SCN3A: variants seen among roughly 807,000 people sequenced by gnomAD.
SCN3A encodes sodium channel protein type 3 subunit alpha.
SCN3A carries 60 observed loss-of-function variants against 187.6 expected under a neutral mutation model. The observed-to-expected ratio is 0.32, with a 90% CI of 0.26 to 0.40. The LOEUF (loss-of-function observed/expected upper bound fraction) is 0.40. SCN3A is among the 10% of genes least tolerant of loss of function. SCN3A has a pLI of 1.00. For missense variants in SCN3A, 1,601 were observed against 2,428.2 expected (o/e 0.66, Z 7.16); for synonymous variants, 788 against 829.2 (o/e 0.95, Z 0.85).
intron 4 of SCN3A, among the ~76,000 whole-genome samples, chr2:165,169,418 C>T (rs1052508484): frequency 1.3e-5 from 2 of 151,646 alleles, no homozygotes; most frequent in African/African-American, 2.4e-5. Context: ...TGTGGCGGAC[C>T]CCAACAGACC....
Position 165,112,873 on chromosome 2 carries a change from T to C in SCN3A, c.3843+12A>G. On this transcript the variant is annotated intron_variant, in intron 21 of 27. Transcript: ENST00000283254. ...TAAAAACAATTTTATAAAAATCACTTAAAATACTTACATCAACGATCAAGA... is the reference window on the plus strand; with the variant it reads ...TAAAAACAATTTTATAAAAATCACTCAAAATACTTACATCAACGATCAAGA... 1.2e-6 allele frequency: 2 copies of C among 1,610,688 alleles called. No homozygotes were observed. Among genetic ancestry groups the C allele is most frequent in the Middle Eastern group, 1.7e-4 (1 of 6,042 alleles).
intron 11 of SCN3A, among the ~76,000 whole-genome samples, chr2:165,149,612 C>G (rs939188337): frequency 2.6e-5 from 4 of 152,196 alleles, no homozygotes; most frequent in Admixed American, 2.6e-4. Flanking sequence ...CAACTCAAAT[C>G]TGTCATTTGT....
chr2:165,157,373 T>G (rs1689123759), intron 9 of SCN3A, among the ~76,000 whole-genome samples: 1 of 152,206 alleles, frequency 6.6e-6, no homozygotes, highest in Admixed American at 6.5e-5. Context: ...TGGTCAGATA[T>G]TTTATAGAAT....
At chr2:165,187,300 C>G (rs1280818695) in intron 1 of SCN3A, among the ~76,000 whole-genome samples, 1 of 152,106 alleles carries the variant, frequency 6.6e-6, no homozygotes. Flanking sequence ...AGGTAAAAAG[C>G]CAGCATGCTA....
At chr2:165,091,483 C>T (rs1274308335) in intron 27 of SCN3A, 138 bp from the exon 28 acceptor site, 3 of 1,068,974 alleles carry the variant, frequency 2.8e-6, no homozygotes, top group African/African-American at 3.2e-5. Context: ...CACTCCCTGA[C>T]ATTAGCAATT....
At chr2:165,093,165 TAAC>T (rs1455815165) in intron 26 of SCN3A, 2 of 152,364 alleles carry the variant, frequency 1.3e-5, no homozygotes, top group East Asian at 1.9e-4. Context: ...TGACTACTAA[TAAC>T]AAAGATTTAC....
Position 165,155,897 on chromosome 2 carries a change from A to G in SCN3A, c.1038T>C (p.Cys346=). The change falls in exon 10 of 28, where the codon TGT becomes TGC. Residue 346 remains cysteine (C), a synonymous_variant. Transcript: ENST00000283254. ...LCGNGSDAGQ[C]PEGYICVKAG... ...CCTTCACACAGATGTATCCTTCTGG[A>G]CACTGGCTATAAGAGAGAGAAATGG... 1 of 1,614,132 alleles carries G rather than the reference A, an allele frequency of 6.2e-7. No individual in the cohort carries two copies. Among genetic ancestry groups the G allele is most frequent in the Non-Finnish European group, 8.5e-7 (1 of 1,180,002 alleles).
chr2:165,139,773 A>AGATAAACAAAGAT (rs1559221869), intron 13 of SCN3A, 165 bp from the exon 14 acceptor site: 4 of 783,760 alleles, frequency 5.1e-6, no homozygotes, highest in Non-Finnish European at 8.0e-6. Flanking sequence ...TTTTTTTTAA[A>AGATAAACAAAGAT]AAAAAGTTAT....
At chr2:165,115,346 C>T (rs1277804050) in intron 19 of SCN3A, 109 bp downstream of exon 19, 2 of 1,455,448 alleles carry the variant, frequency 1.4e-6, no homozygotes, top group Non-Finnish European at 9.5e-7. Context: ...GGGTTACAGG[C>T]ATAAGCCACC....
rs746316225 is a variant in SCN3A at position 165,129,981 on chromosome 2, G to A, written c.2881C>T (p.Leu961Phe). The change falls in exon 17 of 28, where the codon CTT (leucine) becomes TTT (phenylalanine). Residue 961 changes from leucine (L) to phenylalanine (F), a missense_variant. Leu to Phe is a conservative substitution (Grantham distance 22, BLOSUM62 0). Transcript: ENST00000283254. ...ACCATGACCAACATGAAAACAATAA[G>A]GCACATGGTTTGGCCAGCGACCTCC... is the stretch of plus-strand genomic sequence containing the variant. ...CMEVAGQTMC[L>F]IVFMLVMVIG... is the part of the protein sequence containing the mutation. The A allele has an allele frequency of 1.2e-6, 2 of 1,614,088 alleles. No individual in the cohort carries two copies. Among genetic ancestry groups the A allele is most frequent in the African/African-American group, 1.3e-5 (1 of 75,004 alleles).
intron 1 of SCN3A, among the ~76,000 whole-genome samples, chr2:165,202,392 A>C (rs1048093536): frequency 6.6e-6 from 1 of 152,060 alleles, no homozygotes; most frequent in Non-Finnish European, 1.5e-5. Flanking sequence ...ACTCAGAACA[A>C]AGTTACTCAC....
chr2:165,135,696 A>G (rs1478484345), intron 15 of SCN3A, among the ~76,000 whole-genome samples: 1 of 152,136 alleles, frequency 6.6e-6, no homozygotes, highest in Non-Finnish European at 1.5e-5. Flanking sequence ...AGGAAATTCT[A>G]TGGGTAGATA....
At chr2:165,111,748 A>G (rs1310738370) in intron 21 of SCN3A, among the ~76,000 whole-genome samples, 1 of 152,186 alleles carries the variant, frequency 6.6e-6, no homozygotes, top group Non-Finnish European at 1.5e-5. Flanking sequence ...TAGCTGCGGA[A>G]TGTGAAAATA....
chr2:165,163,969 A>G lies in SCN3A; in HGVS notation c.603-260T>C, dbSNP rs542050941. On this transcript the variant is annotated intron_variant, in intron 6 of 27. Transcript: ENST00000283254. ...ATAAGGACTTAATGCTGGGTTTGGC[A>G]CATAGAGCCCTGTGAGTTTAACAAA... 2.1e-4 allele frequency: 273 copies of G among 1,315,928 alleles called. 1 individual carries two copies. Among genetic ancestry groups the G allele is most frequent in the Non-Finnish European group, 2.8e-4 (261 of 922,700 alleles). The allele number at this position is 1,315,928 out of a possible 1,614,324, so 81.5% of individuals were successfully genotyped here.
intron 21 of SCN3A, 77 bp downstream of exon 21, chr2:165,112,808 T>G: frequency 1.5e-6 from 2 of 1,291,544 alleles, no homozygotes; most frequent in Non-Finnish European, 2.2e-6. Flanking sequence ...AGTGAAAGTT[T>G]TAATAACAGA....
Position 165,091,345 on chromosome 2 carries a change from C to A in SCN3A, c.4808G>T (p.Gly1603Val), listed in dbSNP as rs1208840740. Residue 1603 changes from glycine to valine, a missense_variant and splice_region_variant, in exon 28 of 28, where the codon GGT (glycine) becomes GTT (valine). Gly to Val is a moderately radical substitution (Grantham distance 109). Coordinates refer to ENST00000283254, the MANE Select transcript of SCN3A (RefSeq NM_006922.4). The stretch of plus-strand genomic sequence containing the variant: ...TTCTATCATCTCAGCCAGAAACATA[C>A]CTATGGAAAACATAGAACACAGCTA... Reference protein sequence around the residue: ...DFVVVILSIVGMFLAEMIEKY... With the variant: ...DFVVVILSIVVMFLAEMIEKY... 1 of 1,613,736 alleles carries A rather than the reference C, an allele frequency of 6.2e-7. No individual in the cohort carries two copies. Among genetic ancestry groups the A allele is most frequent in the Non-Finnish European group, 8.5e-7 (1 of 1,179,834 alleles).
intron 10 of SCN3A, 46 bp downstream of exon 10, chr2:165,155,716 A>G: frequency 6.2e-7 from 1 of 1,609,130 alleles, no homozygotes; most frequent in Non-Finnish European, 8.5e-7. Context: ...TTCATTTCAT[A>G]CATGTCTATA....
At chr2:165,178,137 T>G (rs755178493) in intron 2 of SCN3A, among the ~76,000 whole-genome samples, 4 of 152,158 alleles carry the variant, frequency 2.6e-5, no homozygotes, top group South Asian at 2.1e-4. Flanking sequence ...ATTATGTGTG[T>G]GGGGGTTTTT....
At chr2:165,181,587 T>C (rs1019918919) in intron 2 of SCN3A, among the ~76,000 whole-genome samples, 1 of 152,202 alleles carries the variant, frequency 6.6e-6, no homozygotes, top group African/African-American at 2.4e-5. Flanking sequence ...AATTTCCTCT[T>C]GAAAGCTCGA....
Sources: gnomAD v4.1 joint callset for allele counts (sites outside exome capture counted in the v4.1 genomes callset) on GRCh38, gnomAD v4.1.1 for gene constraint, MANE v1.5 for transcripts, NCBI Gene and HGNC (gene_info 2026-07-23, HGNC 2026-07-21) for gene names.